Variants in PARP11 observed in about 807,000 individuals in gnomAD.
The protein encoded by PARP11 is protein mono-ADP-ribosyltransferase PARP11.
In PARP11, 31 loss-of-function variants were observed where a neutral mutation model predicts 42.9. The ratio of observed to expected loss-of-function variants is 0.72; its 90% CI spans 0.54 to 0.98. The LOEUF is 0.98. PARP11 is among the 50% of genes least tolerant of loss of function. The pLI is 0.00. For missense variants in PARP11, 365 were observed against 413.1 expected (o/e 0.88, Z 1.01); for synonymous variants, 137 against 127.3 (o/e 1.08, Z -0.51).
At chr12:3,863,794 G>A (rs1948341154) in intron 1 of PARP11, 1 of 152,144 alleles carries the variant, frequency 6.6e-6, no homozygotes, top group Non-Finnish European at 1.5e-5. Flanking sequence ...GGCTTTTACT[G>A]GGTATCAGTC....
chr12:3,826,160 G>A lies in PARP11; in HGVS notation c.342C>T (p.Phe114=). ...IKRAPFSISA[F]SYICENEAIP... ...CACCCCTATTCTCTTTACCATACCTGAAAGCACTGATAGAAAAGGGGGCTC... is the reference window on the plus strand; with the variant it reads ...CACCCCTATTCTCTTTACCATACCTAAAAGCACTGATAGAAAAGGGGGCTC... Residue 114 remains phenylalanine (F), a splice_region_variant and synonymous_variant, in exon 4 of 8, where the codon TTC becomes TTT. Coordinates refer to ENST00000228820, the MANE Select transcript of PARP11 (RefSeq NM_020367.6). 1 of 1,580,752 alleles carries A rather than the reference G, an allele frequency of 6.3e-7. No individual in the cohort carries two copies. Among genetic ancestry groups the A allele is most frequent in the Non-Finnish European group, 8.6e-7 (1 of 1,165,506 alleles).
At chr12:3,827,809 C>T (rs539276619) in intron 3 of PARP11, among the ~76,000 whole-genome samples, 1 of 152,288 alleles carries the variant, frequency 6.6e-6, no homozygotes, top group South Asian at 2.1e-4. Flanking sequence ...ACCACCCTAC[C>T]CAGCCACAAT....
rs200307166 is a variant in PARP11 at position 3,810,715 on chromosome 12, G to GAAGAGA, written c.*1402_*1407dup. On this transcript the variant is annotated 3_prime_UTR_variant, in exon 8 of 8. Transcript: ENST00000228820. ...AGAAGGAAGGAAGAGAGAGAGAAGAGAAGAGAAAGAGAAAGAGAAAGAGGA... is the reference window on the plus strand; with the variant it reads ...AGAAGGAAGGAAGAGAGAGAGAAGAGAAGAGAAAGAGAAAGAGAAAGAGAAAGAGGA... The GAAGAGA allele has an allele frequency of 0.17, 23,667 of 142,742 alleles. 2,498 individuals carry two copies. Among genetic ancestry groups the GAAGAGA allele is most frequent in the South Asian group, 0.33 (1,442 of 4,346 alleles). The allele number at this position is 142,742 out of a possible 1,614,324, so 8.8% of individuals were successfully genotyped here.
chr12:3,823,658 A>G (rs979269127), intron 4 of PARP11, among the ~76,000 whole-genome samples: 2 of 152,210 alleles, frequency 1.3e-5, no homozygotes, highest in Non-Finnish European at 1.5e-5. Flanking sequence ...GCTCATGCCT[A>G]TAATCCCAAC....
chr12:3,850,436 G>A (rs1032403063), intron 1 of PARP11, among the ~76,000 whole-genome samples: 2 of 152,146 alleles, frequency 1.3e-5, no homozygotes, highest in Admixed American at 6.6e-5. Context: ...CAGTCAAAAT[G>A]AGAGAGTATA....
chr12:3,872,836 C>A (rs1406662333), intron 1 of PARP11: 1 of 984,148 alleles, frequency 1.0e-6, no homozygotes, highest in African/African-American at 1.7e-5. Context: ...TGAGGCACGA[C>A]AATCGCTTTA....
At chr12:3,826,021 G>C in intron 4 of PARP11, 137 bp downstream of exon 4, 1 of 542,076 alleles carries the variant, frequency 1.8e-6, no homozygotes. Context: ...GAGCCACTGC[G>C]CCTGGCCCAA....
chr12:3,851,612 T>G (rs1948096240), intron 1 of PARP11, among the ~76,000 whole-genome samples: 1 of 152,146 alleles, frequency 6.6e-6, no homozygotes, highest in Non-Finnish European at 1.5e-5. Flanking sequence ...CCAGGAAGCT[T>G]GAACTGGGTG....
At chr12:3,846,160 T>C (rs956323499) in intron 1 of PARP11, among the ~76,000 whole-genome samples, 39 of 152,186 alleles carry the variant, frequency 2.6e-4, no homozygotes, top group African/African-American at 5.3e-4. Flanking sequence ...TATTTTTCTA[T>C]GTTCTGTTTT....
At chr12:3,833,103 T>C (rs1341607969) in intron 1 of PARP11, among the ~76,000 whole-genome samples, 1 of 152,254 alleles carries the variant, frequency 6.6e-6, no homozygotes, top group Non-Finnish European at 1.5e-5. Context: ...TTTTCTGATA[T>C]AAATTTTAGT....
chr12:3,865,680 T>C (rs1948377883), intron 1 of PARP11, among the ~76,000 whole-genome samples: 1 of 152,134 alleles, frequency 6.6e-6, no homozygotes, highest in South Asian at 2.1e-4. Flanking sequence ...TTCTCTTCAT[T>C]AGTGTTAGCA....
At chr12:3,857,837 C>T (rs558315479) in intron 1 of PARP11, among the ~76,000 whole-genome samples, 20 of 152,246 alleles carry the variant, frequency 1.3e-4, no homozygotes, top group African/African-American at 4.3e-4. Flanking sequence ...GTACTTTCCC[C>T]GAAATGTGAC....
rs1947923042 is a variant in PARP11 at position 3,842,921 on chromosome 12, A to G, written c.19-12903T>C. On this transcript the variant is annotated intron_variant, in intron 1 of 7. Coordinates refer to ENST00000228820, the MANE Select transcript of PARP11 (RefSeq NM_020367.6). ...GTGACAAGAAAATACACCATTTGACACACTATAGATTCCAAACATAACGTT... is the reference window on the plus strand; with the variant it reads ...GTGACAAGAAAATACACCATTTGACGCACTATAGATTCCAAACATAACGTT... Among the ~76,000 whole-genome samples the G allele has an allele frequency of 3.3e-5, 5 of 152,240 alleles. No individual in the cohort carries two copies. The East Asian group carries it at 5.8e-4, about 18-fold the overall frequency.
chr12:3,815,276 T>C (rs180969615), intron 6 of PARP11, among the ~76,000 whole-genome samples: 52 of 152,360 alleles, frequency 3.4e-4, no homozygotes, highest in Non-Finnish European at 2.1e-4. Flanking sequence ...CGTGCTCACT[T>C]TGCAAAACAG....
rs11612988 is a variant in PARP11 at position 3,810,886 on chromosome 12, G to C, written c.*1237C>G. 0.12 allele frequency: 18,008 copies of C among 152,048 alleles called. 1,327 individuals are homozygous for C. Among genetic ancestry groups the C allele is most frequent in the Admixed American group, 0.23 (3,536 of 15,274 alleles). The allele number at this position is 152,048 out of a possible 1,614,324, so 9.4% of individuals were successfully genotyped here. A position where few individuals can be genotyped will look rare whatever the true frequency, so the allele number is the denominator to read the frequency against. ...GAAAAGGAAGAAAATCAATGTGAGA[G>C]ACTCTTCACCATCACATGGGCAATT... is the stretch of plus-strand genomic sequence containing the variant. On this transcript the variant is annotated 3_prime_UTR_variant, in exon 8 of 8. Coordinates refer to ENST00000228820, the MANE Select transcript of PARP11 (RefSeq NM_020367.6).
At chr12:3,866,824 A>T (rs1297407480) in intron 1 of PARP11, among the ~76,000 whole-genome samples, 2 of 152,184 alleles carry the variant, frequency 1.3e-5, no homozygotes, top group East Asian at 3.8e-4. Flanking sequence ...TATTGACCAA[A>T]ATTCTTTATT....
chr12:3,834,414 C>T (rs1947713922), intron 1 of PARP11, among the ~76,000 whole-genome samples: 1 of 151,542 alleles, frequency 6.6e-6, no homozygotes, highest in Non-Finnish European at 1.5e-5. Flanking sequence ...GGGCAGATCA[C>T]CTGAGGCCAG....
intron 1 of PARP11, among the ~76,000 whole-genome samples, chr12:3,860,738 C>T (rs1324371498): frequency 6.6e-6 from 1 of 152,140 alleles, no homozygotes; most frequent in African/African-American, 2.4e-5. Context: ...AGTGCAGTGA[C>T]ACATCATAGC....
chr12:3,831,880 T>C (rs913828097), intron 1 of PARP11, among the ~76,000 whole-genome samples: 14 of 152,110 alleles, frequency 9.2e-5, no homozygotes, highest in African/African-American at 2.9e-4. Context: ...GTTCATTTCA[T>C]TGGGCCATTT....
Sources: allele counts gnomAD v4.1 joint callset (sites outside exome capture counted in the v4.1 genomes callset), GRCh38; gene constraint gnomAD v4.1.1; transcripts MANE v1.5; gene names NCBI Gene and HGNC (gene_info 2026-07-23, HGNC 2026-07-21).